Variants in PARG observed in about 807,000 individuals in gnomAD.
PARG encodes the protein mitochondrial poly(ADP-ribose) glycohydrolase.
Under a neutral mutation model 113.0 loss-of-function variants are expected in PARG, and 35 were observed. The observed-to-expected ratio is 0.31, with a 90% CI of 0.24 to 0.41. The LOEUF (loss-of-function observed/expected upper bound fraction) is 0.41, where lower values mean the gene tolerates loss of function less well. Among genes scored for constraint, PARG ranks in the 10% least tolerant of loss-of-function variants. PARG has a pLI of 1.00. For synonymous variants in PARG, 330 were observed against 409.9 expected (o/e 0.81, Z 2.36); for missense variants, 797 against 1,169.4 (o/e 0.68, Z 4.64).
At chr10:49,915,038 A>G (rs572441136) in intron 7 of PARG, among the ~76,000 whole-genome samples, 2 of 152,304 alleles carry the variant, frequency 1.3e-5, no homozygotes, top group East Asian at 1.9e-4. Context: ...TAAGAGCTAA[A>G]GCTATAAAAT....
At chr10:49,902,174 T>TA (rs782159591) in intron 7 of PARG, among the ~76,000 whole-genome samples, 1 of 152,220 alleles carries the variant, frequency 6.6e-6, no homozygotes, top group Non-Finnish European at 1.5e-5. Flanking sequence ...CATATGTAGA[T>TA]ACAACTACAG....
chr10:49,907,044 C>T (rs565996238), intron 7 of PARG, among the ~76,000 whole-genome samples: 2 of 152,132 alleles, frequency 1.3e-5, no homozygotes, highest in South Asian at 4.2e-4. Flanking sequence ...TATCTTAGAG[C>T]TAGGCTTCTC....
At chr10:49,864,876 G>A (rs1221879646) in intron 11 of PARG, among the ~76,000 whole-genome samples, 3 of 136,202 alleles carry the variant, frequency 2.2e-5, no homozygotes, top group African/African-American at 5.6e-5. Flanking sequence ...CTTGCCACTC[G>A]ACGAACTCTA....
chr10:49,854,333 A>G (rs2132506847), intron 13 of PARG, among the ~76,000 whole-genome samples: 1 of 152,230 alleles, frequency 6.6e-6, no homozygotes, highest in East Asian at 1.9e-4. Flanking sequence ...GGCCAGTAGG[A>G]AAAGCGTAAT....
At chr10:49,927,216 C>T (rs1589003682) in intron 4 of PARG, among the ~76,000 whole-genome samples, 2 of 151,344 alleles carry the variant, frequency 1.3e-5, no homozygotes, top group African/African-American at 4.9e-5. Context: ...CTGAGGCAGG[C>T]GAATCGCTTG....
At position 49,915,974 on chromosome 10, in the gene PARG, G is replaced by A. The variant is rs1837450727; in HGVS notation, c.1680C>T (p.Tyr560=). The change falls in exon 7 of 18, where the codon TAC becomes TAT. Residue 560 remains tyrosine (Y), a synonymous_variant. Coordinates refer to ENST00000616448, the MANE Select transcript of PARG (RefSeq NM_003631.5). ...CCCATTTCTTAGAATATGCCACATT[G>A]TATTTCAGAATAGCATCCTGTGGAA... ...PQNLKDAILK[Y]NVAYSKKWDF... 1.3e-6 allele frequency: 2 copies of A among 1,539,854 alleles called. No individual in the cohort carries two copies. Among genetic ancestry groups the A allele is most frequent in the South Asian group, 2.4e-5 (2 of 83,876 alleles).
chr10:49,821,410 T>G (rs1554828603), intron 16 of PARG, among the ~76,000 whole-genome samples: 1 of 152,172 alleles, frequency 6.6e-6, no homozygotes, highest in Admixed American at 6.5e-5. Context: ...GATGGAGTCT[T>G]GCTCTGTCAC....
intron 7 of PARG, among the ~76,000 whole-genome samples, chr10:49,898,115 A>T (rs2132725777): frequency 6.6e-6 from 1 of 152,332 alleles, no homozygotes; most frequent in African/African-American, 2.4e-5. Flanking sequence ...ATAGGCCTAG[A>T]TGTGCATTTA....
At chr10:49,850,286 CACT>C (rs1554833995) in intron 13 of PARG, among the ~76,000 whole-genome samples, 1 of 141,688 alleles carries the variant, frequency 7.1e-6, no homozygotes, top group Non-Finnish European at 1.5e-5. Context: ...AGTGGATCTT[CACT>C]AGCTAGGTGA....
chr10:49,907,900 AC>A (rs1351722920), intron 7 of PARG, among the ~76,000 whole-genome samples: 5 of 152,186 alleles, frequency 3.3e-5, no homozygotes, highest in African/African-American at 1.2e-4. Flanking sequence ...CACCACAGCA[AC>A]ATTTAAAAGG....
chr10:49,823,464 A>T (rs1844206510), intron 16 of PARG, among the ~76,000 whole-genome samples: 1 of 152,174 alleles, frequency 6.6e-6, no homozygotes, highest in Non-Finnish European at 1.5e-5. Flanking sequence ...TTTATTGAGT[A>T]CCCACAACAT....
chr10:49,933,779 T>C lies in PARG; in HGVS notation c.669A>G (p.Thr223=), dbSNP rs1408844180. The change falls in exon 3 of 18, where the codon ACA becomes ACG. Residue 223 remains threonine (T), a synonymous_variant. Coordinates refer to ENST00000616448, the MANE Select transcript of PARG (RefSeq NM_003631.5). The part of the protein sequence containing the change: ...TVKLANAKQT[T]EDEQAREAKS... Reference sequence around the variant, plus strand: ...TGGCTTCTCTGGCCTGTTCATCTTCTGTAGTCTGCTTTGCATTTGCAAGCT... The same window carrying C: ...TGGCTTCTCTGGCCTGTTCATCTTCCGTAGTCTGCTTTGCATTTGCAAGCT... 17 of 1,613,524 alleles carry C rather than the reference T, an allele frequency of 1.1e-5. No homozygotes were observed. Among genetic ancestry groups the C allele is most frequent in the Non-Finnish European group, 1.4e-5 (16 of 1,179,588 alleles).
At chr10:49,899,446 G>A (rs1335260914) in intron 7 of PARG, among the ~76,000 whole-genome samples, 1 of 152,118 alleles carries the variant, frequency 6.6e-6, no homozygotes, top group African/African-American at 2.4e-5. Context: ...CTTAATTTCT[G>A]AAGGCTCATG....
chr10:49,866,694 AGATT>A (rs1314932933), intron 10 of PARG, among the ~76,000 whole-genome samples: 3 of 152,160 alleles, frequency 2.0e-5, no homozygotes, highest in Admixed American at 2.0e-4. Flanking sequence ...ATGGTTTCTT[AGATT>A]AACAAAAATG....
chr10:49,860,251 T>G lies in PARG; in HGVS notation c.2205+1337A>C, dbSNP rs1469764499. Among the ~76,000 whole-genome samples, 5 of 152,106 alleles carry G rather than the reference T, an allele frequency of 3.3e-5. No homozygotes were observed. The East Asian group carries it at 5.8e-4, about 18-fold the overall frequency. Reference sequence around the variant, plus strand: ...AAGTGGGGAGGATCTCAACCTTAACTGTTGTTAAATAATTCCTTGTTGAAT... The same window carrying G: ...AAGTGGGGAGGATCTCAACCTTAACGGTTGTTAAATAATTCCTTGTTGAAT... On this transcript the variant is annotated intron_variant, in intron 12 of 17. Transcript: ENST00000616448.
chr10:49,843,966 G>A (rs1845373154), intron 13 of PARG, among the ~76,000 whole-genome samples: 1 of 151,774 alleles, frequency 6.6e-6, no homozygotes, highest in Non-Finnish European at 1.5e-5. Context: ...CCAACATGGT[G>A]AAACCCCACC....
intron 7 of PARG, among the ~76,000 whole-genome samples, chr10:49,890,267 C>T (rs1432557859): frequency 3.9e-5 from 6 of 151,944 alleles, no homozygotes; most frequent in South Asian, 4.1e-4. Flanking sequence ...TGCGTGTGCG[C>T]GTGTGTGTGT....
At chr10:49,894,169 GA>G (rs1554842172) in intron 7 of PARG, among the ~76,000 whole-genome samples, 1 of 151,432 alleles carries the variant, frequency 6.6e-6, no homozygotes, top group African/African-American at 2.4e-5. Context: ...AAGGAGCTGG[GA>G]CCACAGGCAT....
rs11101245 is a variant in PARG, at chr10:49,893,822, C to T, written c.1738-8527G>A. On this transcript the variant is annotated intron_variant, in intron 7 of 17. Coordinates refer to ENST00000616448, the MANE Select transcript of PARG (RefSeq NM_003631.5). Reference sequence around the variant, plus strand: ...CATTCTCCTGCCTCAGGCTCCCGAGCAGCTGTGACTACAGGCACCCGCCAC... The same window carrying T: ...CATTCTCCTGCCTCAGGCTCCCGAGTAGCTGTGACTACAGGCACCCGCCAC... Among the ~76,000 whole-genome samples the T allele has an allele frequency of 3.4e-3, 518 of 151,836 alleles. 3 individuals carry two copies. The highest frequency in any genetic ancestry group is 0.012 in the African/African-American group (502 of 41,334).
Sources: allele counts gnomAD v4.1 joint callset (sites outside exome capture counted in the v4.1 genomes callset), GRCh38; gene constraint gnomAD v4.1.1; transcripts MANE v1.5; gene names NCBI Gene and HGNC (gene_info 2026-07-23, HGNC 2026-07-21).